Variants in CDKAL1 observed in about 807,000 individuals in gnomAD.
The protein encoded by CDKAL1 is threonylcarbamoyladenosine tRNA methylthiotransferase.
In CDKAL1, 32 loss-of-function variants were observed where a neutral mutation model predicts 68.2. The observed-to-expected ratio is 0.47, with a 90% CI of 0.35 to 0.63. CDKAL1 has a LOEUF of 0.63. CDKAL1 is among the 30% of genes least tolerant of loss of function. The pLI is 0.00. For synonymous variants in CDKAL1, 234 were observed against 244.3 expected, an observed-to-expected ratio of 0.96 and a Z score of 0.39; for missense variants, 606 against 696.7, an observed-to-expected ratio of 0.87 and a Z score of 1.47.
At chr6:20,718,062 C>T (rs1772179210) in intron 5 of CDKAL1, among the ~76,000 whole-genome samples, 1 of 152,134 alleles carries the variant, frequency 6.6e-6, no homozygotes, top group African/African-American at 2.4e-5. Context: ...TCTTTTTGTT[C>T]AGGTTTTAAA....
chr6:21,003,353 TATATATATATATATATATAC>T (rs1767537249), intron 11 of CDKAL1, among the ~76,000 whole-genome samples: 1 of 47,318 alleles, frequency 2.1e-5, no homozygotes, highest in African/African-American at 1.4e-4. Context: ...AATATATATA[TATATATATATATATATATAC>T]ACACACACAC....
At chr6:20,958,236 T>C (rs1319799291) in intron 10 of CDKAL1, among the ~76,000 whole-genome samples, 1 of 152,128 alleles carries the variant, frequency 6.6e-6, no homozygotes, top group Non-Finnish European at 1.5e-5. Flanking sequence ...AACAAAGATA[T>C]GCAAGAATCA....
rs144523435 is a variant in CDKAL1, at chr6:20,825,267, T to G, written c.639-20808T>G. ...TTATATTCCCCATATATATTTTATA[T>G]GCTCTATAATTGTGTGTTGAAAGTA... On this transcript the variant is annotated intron_variant, in intron 8 of 15. Coordinates refer to ENST00000274695, the MANE Select transcript of CDKAL1 (RefSeq NM_017774.3). Among the ~76,000 whole-genome samples, 725 of 152,266 alleles carry G rather than the reference T, an allele frequency of 4.8e-3. 7 individuals are homozygous for G. Among genetic ancestry groups the G allele is most frequent in the African/African-American group, 0.016 (673 of 41,568 alleles).
At chr6:20,950,505 AAC>A (rs1438955549) in intron 9 of CDKAL1, among the ~76,000 whole-genome samples, 1 of 152,178 alleles carries the variant, frequency 6.6e-6, no homozygotes, top group Non-Finnish European at 1.5e-5. Context: ...CCTTAAAAGA[AAC>A]AGCAGGAAGT....
chr6:20,618,035 C>T (rs1473253500), intron 4 of CDKAL1, among the ~76,000 whole-genome samples: 3 of 152,194 alleles, frequency 2.0e-5, no homozygotes, highest in Non-Finnish European at 2.9e-5. Flanking sequence ...CTCCCACCAA[C>T]GGTGTAAAAG....
At chr6:20,742,608 T>A in intron 6 of CDKAL1, among the ~76,000 whole-genome samples, 1 of 152,056 alleles carries the variant, frequency 6.6e-6, no homozygotes, top group East Asian at 1.9e-4. Context: ...ACCTATTTCT[T>A]AATTATTGTA....
intron 11 of CDKAL1, among the ~76,000 whole-genome samples, chr6:21,046,706 C>A (rs1770252657): frequency 6.6e-6 from 1 of 152,246 alleles, no homozygotes; most frequent in South Asian, 2.1e-4. Context: ...AACAAACAGA[C>A]ACATTTCATG....
chr6:20,773,731 A>G (rs1183281857), intron 7 of CDKAL1, among the ~76,000 whole-genome samples: 1 of 151,956 alleles, frequency 6.6e-6, no homozygotes, highest in Non-Finnish European at 1.5e-5. Flanking sequence ...TATTTTTAGT[A>G]GAGATGGGGT....
intron 11 of CDKAL1, among the ~76,000 whole-genome samples, chr6:21,054,053 C>G (rs562408873): frequency 1.3e-5 from 2 of 152,196 alleles, no homozygotes; most frequent in East Asian, 3.9e-4. Flanking sequence ...AGATTTCCTC[C>G]CATATTTTCT....
At chr6:21,139,584 C>T (rs1248050528) in intron 13 of CDKAL1, among the ~76,000 whole-genome samples, 1 of 152,068 alleles carries the variant, frequency 6.6e-6, no homozygotes, top group African/African-American at 2.4e-5. Context: ...GAACGTGGCT[C>T]AGTGCAGCCT....
intron 4 of CDKAL1, among the ~76,000 whole-genome samples, chr6:20,581,704 G>A (rs986155767): frequency 4.1e-4 from 62 of 152,140 alleles, no homozygotes; most frequent in African/African-American, 1.5e-3. Flanking sequence ...ACTGCCTGCA[G>A]TAATCATTAA....
chr6:20,849,098 GTCC>G (rs111365907), intron 9 of CDKAL1, among the ~76,000 whole-genome samples: 4,044 of 151,846 alleles, frequency 0.027, 178 homozygotes, highest in African/African-American at 0.092. Flanking sequence ...AAAATTTTAA[GTCC>G]TCAAGTACTT....
chr6:20,963,554 G>A (rs565713347), intron 10 of CDKAL1, among the ~76,000 whole-genome samples: 15 of 152,224 alleles, frequency 9.9e-5, no homozygotes, highest in East Asian at 1.9e-4. Flanking sequence ...CATGTAGACC[G>A]AAGGACCCCA....
At chr6:21,106,907 G>T (rs1280252584) in intron 12 of CDKAL1, among the ~76,000 whole-genome samples, 1 of 151,628 alleles carries the variant, frequency 6.6e-6, no homozygotes, top group South Asian at 2.1e-4. Context: ...GGTGGTTATG[G>T]GGCAGGGATC....
At chr6:21,143,103 C>T (rs531574193) in intron 13 of CDKAL1, among the ~76,000 whole-genome samples, 3 of 152,164 alleles carry the variant, frequency 2.0e-5, no homozygotes, top group Admixed American at 6.5e-5. Flanking sequence ...ATGTAGGGAA[C>T]GTAGTTAATT....
intron 13 of CDKAL1, among the ~76,000 whole-genome samples, chr6:21,166,155 A>G (rs1335236579): frequency 6.6e-6 from 1 of 152,200 alleles, no homozygotes; most frequent in Non-Finnish European, 1.5e-5. Flanking sequence ...TGACCTGATA[A>G]TTAAATTGGG....
intron 9 of CDKAL1, among the ~76,000 whole-genome samples, chr6:20,926,127 G>T (rs1030544046): frequency 6.6e-6 from 1 of 152,074 alleles, no homozygotes; most frequent in African/African-American, 2.4e-5. Flanking sequence ...ACATCAGTAT[G>T]GGAGAAATTG....
chr6:20,612,679 C>A (rs9350265), intron 4 of CDKAL1, among the ~76,000 whole-genome samples: 1 of 151,712 alleles, frequency 6.6e-6, no homozygotes, highest in Non-Finnish European at 1.5e-5. Flanking sequence ...TATTTTCTTC[C>A]TTTTTGTAGG....
intron 9 of CDKAL1, among the ~76,000 whole-genome samples, chr6:20,876,885 CTTACTT>C (rs1333961780): frequency 1.3e-5 from 2 of 152,184 alleles, no homozygotes; most frequent in Non-Finnish European, 2.9e-5. Flanking sequence ...TATCTCCTCT[CTTACTT>C]TTTATTGTCA....
Sources: gnomAD v4.1 joint callset for allele counts (sites outside exome capture counted in the v4.1 genomes callset) on GRCh38, gnomAD v4.1.1 for gene constraint, MANE v1.5 for transcripts, NCBI Gene and HGNC (gene_info 2026-07-23, HGNC 2026-07-21) for gene names.